Variants in HACL1 observed in about 807,000 individuals in gnomAD.
The protein encoded by HACL1 is 1600020H07Rik.
Under a neutral mutation model 74.2 loss-of-function variants are expected in HACL1, and 64 were observed. That is an observed-to-expected ratio of 0.86 (90% confidence interval 0.70 to 1.06). The LOEUF is 1.06. Ranked by LOEUF, HACL1 falls within the 50% of genes least tolerant of loss-of-function variation. HACL1 has a pLI of 0.00. For missense variants in HACL1, 728 were observed against 719.7 expected (o/e 1.01, Z -0.13); for synonymous variants, 230 against 238.8 (o/e 0.96, Z 0.34).
chr3:15,579,994 T>C lies in HACL1; in HGVS notation c.719A>G (p.Tyr240Cys), dbSNP rs200946097. 6 of 1,610,806 alleles carry C rather than the reference T, an allele frequency of 3.7e-6. No homozygotes were observed. In the African/African-American group the frequency reaches 8.0e-5, roughly 21 times the overall value. ...EESIKKLVEQ[Y>C]KLPFLPTPMG... ...AGGGGTGGGCAAAAATGGCAGTTTA[T>C]ATTGCTCCACCAATTTCTTGATACT... The change falls in exon 9 of 17, where the codon TAT becomes TGT. Residue 240 changes from tyrosine (Y) to cysteine (C), a missense_variant. Tyr to Cys is a radical substitution (Grantham distance 194). Coordinates refer to ENST00000321169, the MANE Select transcript of HACL1 (RefSeq NM_012260.4).
At chr3:15,567,689 T>C (rs2271021) in intron 14 of HACL1, among the ~76,000 whole-genome samples, 155 bp downstream of exon 14, 5,921 of 152,320 alleles carry the variant, frequency 0.039, 159 homozygotes, top group East Asian at 0.099. Flanking sequence ...AGAAAGACCG[T>C]GGGTTACTGC....
intron 2 of HACL1, among the ~76,000 whole-genome samples, chr3:15,600,114 C>T (rs996483344): frequency 2.0e-5 from 3 of 151,950 alleles, no homozygotes; most frequent in Non-Finnish European, 2.9e-5. Flanking sequence ...TAAAGAATGT[C>T]ATTCAATTAA....
chr3:15,598,832 A>T (rs1322137798), intron 2 of HACL1, among the ~76,000 whole-genome samples: 1 of 152,242 alleles, frequency 6.6e-6, no homozygotes, highest in African/African-American at 2.4e-5. Flanking sequence ...CCATAGAGTC[A>T]GGATGCTTGA....
At chr3:15,600,973 T>A in intron 2 of HACL1, 117 bp downstream of exon 2, 1 of 685,656 alleles carries the variant, frequency 1.5e-6, no homozygotes, top group South Asian at 1.6e-5. Flanking sequence ...GTGATTGATA[T>A]GATATATGTA....
At position 15,580,047 on chromosome 3, in the gene HACL1, T is replaced by C; in HGVS notation, c.668-2A>G. 2 of 1,610,938 alleles carry C rather than the reference T, an allele frequency of 1.2e-6. No individual in the cohort carries two copies. The highest frequency in any genetic ancestry group is 1.7e-6 in the Non-Finnish European group (2 of 1,177,686). ...CTTCTGCATGAGCGTAAGCAGCACC[T>C]ATAAGAAATGCAAATGTATTGGACA... On this transcript the variant is annotated splice_acceptor_variant, in intron 8 of 16. Coordinates refer to ENST00000321169, the MANE Select transcript of HACL1 (RefSeq NM_012260.4). LOFTEE classifies it high-confidence loss of function.
chr3:15,580,035 G>C lies in HACL1; in HGVS notation c.678C>G (p.Tyr226Ter), dbSNP rs768635721. 18 of 1,611,894 alleles carry C rather than the reference G, an allele frequency of 1.1e-5. No individual in the cohort carries two copies. Among genetic ancestry groups the C allele is most frequent in the Non-Finnish European group, 1.5e-5 (18 of 1,178,226 alleles). Residue 226 changes from tyrosine (Y) to a stop codon, truncating the protein, a stop_gained, in exon 9 of 17, where the codon TAC becomes TAG. Coordinates refer to ENST00000321169, the MANE Select transcript of HACL1 (RefSeq NM_012260.4). LOFTEE classifies it high-confidence loss of function. ...PLLIIGKGAAYAHAEESIKKL... is the reference protein window; with the variant it reads ...PLLIIGKGAA ...TCTTGATACTCTCTTCTGCATGAGC[G>C]TAAGCAGCACCTATAAGAAATGCAA...
intron 5 of HACL1, among the ~76,000 whole-genome samples, chr3:15,589,276 C>T (rs1574936934): frequency 1.3e-5 from 2 of 152,046 alleles, no homozygotes; most frequent in Non-Finnish European, 2.9e-5. Flanking sequence ...GCAGGTGGAT[C>T]GCTTGAGCTC....
intron 12 of HACL1, among the ~76,000 whole-genome samples, chr3:15,570,843 T>C (rs1467002181): frequency 6.6e-6 from 1 of 151,680 alleles, no homozygotes; most frequent in Admixed American, 6.6e-5. Flanking sequence ...AAGAAGGCTA[T>C]ACATTGGATC....
At chr3:15,568,940 G>A (rs2063478678) in intron 12 of HACL1, among the ~76,000 whole-genome samples, 1 of 152,204 alleles carries the variant, frequency 6.6e-6, no homozygotes, top group East Asian at 1.9e-4. Flanking sequence ...AGCACTCTTA[G>A]GAAAACGGTG....
At chr3:15,568,689 A>G (rs1306414082) in intron 12 of HACL1, 103 bp from the exon 13 acceptor site, 5 of 702,424 alleles carry the variant, frequency 7.1e-6, no homozygotes, top group Non-Finnish European at 1.2e-5. Context: ...CGCAACAACT[A>G]CAAGCTACAA....
chr3:15,578,586 A>C (rs936814342), intron 9 of HACL1, among the ~76,000 whole-genome samples: 4 of 152,192 alleles, frequency 2.6e-5, no homozygotes, highest in Admixed American at 1.3e-4. Flanking sequence ...GATCAGGAAA[A>C]GGGCCACTGC....
rs1283902988 is a variant in HACL1 at position 15,567,920 on chromosome 3, G to A, written c.1333C>T (p.Pro445Ser). 3 of 1,613,906 alleles carry A rather than the reference G, an allele frequency of 1.9e-6. No individual in the cohort carries two copies. ...TCCACACAGATGATCCATTGCCCAG[G>A]GCTTCTATCTTTAGCCACCACGGCA... ...AAAVVAKDRSPGQWIICVEGD... is the reference protein window; with the variant it reads ...AAAVVAKDRSSGQWIICVEGD... Residue 445 changes from proline to serine, a missense_variant, in exon 14 of 17, where the codon CCT becomes TCT. Pro to Ser is a moderately conservative substitution (Grantham distance 74). Coordinates refer to ENST00000321169, the MANE Select transcript of HACL1 (RefSeq NM_012260.4).
chr3:15,573,633 G>T (rs2063574277), intron 10 of HACL1, among the ~76,000 whole-genome samples: 3 of 152,174 alleles, frequency 2.0e-5, no homozygotes, highest in South Asian at 4.1e-4. Flanking sequence ...TATATTCTGG[G>T]CTTGATAAAC....
chr3:15,566,734 CT>C (rs142435306), intron 14 of HACL1, among the ~76,000 whole-genome samples: 41 of 136,758 alleles, frequency 3.0e-4, no homozygotes, highest in Middle Eastern at 4.2e-3. Context: ...ACTATTCCTA[CT>C]TTTTTTTTTT....
intron 15 of HACL1, 68 bp downstream of exon 15, chr3:15,564,483 G>T: frequency 2.7e-6 from 2 of 743,120 alleles, no homozygotes; most frequent in Non-Finnish European, 2.4e-6. Context: ...TGCCAATATA[G>T]AAGACTTTTT....
chr3:15,583,110 G>T, intron 7 of HACL1, 121 bp from the exon 8 acceptor site: 1 of 555,558 alleles, frequency 1.8e-6, no homozygotes, highest in Non-Finnish European at 3.3e-6. Flanking sequence ...CCCCCATGTA[G>T]ATCTAACAAC....
intron 2 of HACL1, among the ~76,000 whole-genome samples, chr3:15,596,626 T>C (rs1559564800): frequency 6.6e-6 from 1 of 152,254 alleles, no homozygotes; most frequent in Non-Finnish European, 1.5e-5. Context: ...TTTGTTCATA[T>C]GTATGTTATT....
intron 10 of HACL1, among the ~76,000 whole-genome samples, chr3:15,574,529 ACATTC>A (rs1178513018): frequency 9.9e-5 from 15 of 152,238 alleles, no homozygotes; most frequent in African/African-American, 1.7e-4. Flanking sequence ...AGGTCAGAAT[ACATTC>A]CGGATGCTGT....
chr3:15,563,476 C>G lies in HACL1; in HGVS notation c.1586G>C (p.Gly529Ala), dbSNP rs768143327. Residue 529 changes from glycine (G) to alanine (A), a missense_variant, in exon 16 of 17, where the codon GGG becomes GCG. Transcript: ENST00000321169. ...TTCTTCTGGTGTTTGTACAAAATAC[C>G]CTTTGCCTCCAAATGCAGTCATGAC... ...EQVMTAFGGK[G>A]YFVQTPEELQ... The G allele has an allele frequency of 1.9e-6, 3 of 1,611,534 alleles. No individual in the cohort carries two copies. In the East Asian group the frequency reaches 6.7e-5, roughly 36 times the overall value.
Sources: allele counts gnomAD v4.1 joint callset (sites outside exome capture counted in the v4.1 genomes callset), GRCh38; gene constraint gnomAD v4.1.1; transcripts MANE v1.5; gene names NCBI Gene and HGNC (gene_info 2026-07-23, HGNC 2026-07-21).